KCND2: variants seen among roughly 807,000 people sequenced by gnomAD.
KCND2 encodes A-type voltage-gated potassium channel KCND2.
KCND2 carries 16 observed loss-of-function variants against 54.4 expected under a neutral mutation model. That is an observed-to-expected ratio of 0.29 (90% CI 0.20 to 0.45). The LOEUF (loss-of-function observed/expected upper bound fraction) is 0.45. Among genes scored for constraint, KCND2 ranks in the 20% least tolerant of loss-of-function variants. The probability of loss-of-function intolerance (pLI) is 1.00; values close to 1 mark genes in which losing one functional copy is unlikely to be tolerated. For missense variants in KCND2, 486 were observed against 824.2 expected (o/e 0.59, Z 5.02); for synonymous variants, 317 against 310.7 (o/e 1.02, Z -0.21).
chr7:120,452,988 GCT>G (rs1485096380), intron 1 of KCND2, among the ~76,000 whole-genome samples: 1 of 152,122 alleles, frequency 6.6e-6, no homozygotes, highest in African/African-American at 2.4e-5. Context: ...CAAACGGGGT[GCT>G]CCTCAAGAGT....
At chr7:120,615,413 G>A (rs1479770748) in intron 1 of KCND2, among the ~76,000 whole-genome samples, 1 of 152,134 alleles carries the variant, frequency 6.6e-6, no homozygotes, top group Non-Finnish European at 1.5e-5. Context: ...CACATATAAA[G>A]ATTTCACTAT....
chr7:120,279,484 T>A (rs1316638818), intron 1 of KCND2, among the ~76,000 whole-genome samples: 1 of 151,984 alleles, frequency 6.6e-6, no homozygotes, highest in Admixed American at 6.6e-5. Flanking sequence ...TACATGGCAT[T>A]TCTGTAAAGT....
chr7:120,354,865 A>G (rs550848402), intron 1 of KCND2, among the ~76,000 whole-genome samples: 4 of 152,376 alleles, frequency 2.6e-5, no homozygotes, highest in Admixed American at 1.3e-4. Context: ...ATAACATTGT[A>G]TATATGAGAT....
chr7:120,656,739 C>A (rs1791808165), intron 1 of KCND2, among the ~76,000 whole-genome samples: 1 of 152,182 alleles, frequency 6.6e-6, no homozygotes. Flanking sequence ...TGTGGCTAAG[C>A]AGGAATGTTT....
chr7:120,489,514 C>T (rs1403669335), intron 1 of KCND2, among the ~76,000 whole-genome samples: 1 of 152,130 alleles, frequency 6.6e-6, no homozygotes, highest in Non-Finnish European at 1.5e-5. Flanking sequence ...TCACAGAAAT[C>T]CTGTGTTCAT....
chr7:120,478,675 A>C (rs1802563689), intron 1 of KCND2, among the ~76,000 whole-genome samples: 1 of 152,142 alleles, frequency 6.6e-6, no homozygotes, highest in South Asian at 2.1e-4. Flanking sequence ...CTATAAGAAA[A>C]AAACTGAGTT....
At chr7:120,511,647 A>G (rs1343605445) in intron 1 of KCND2, among the ~76,000 whole-genome samples, 1 of 152,126 alleles carries the variant, frequency 6.6e-6, no homozygotes, top group Non-Finnish European at 1.5e-5. Context: ...GTTGTTTTAG[A>G]TTCTAACTGT....
At chr7:120,731,996 T>C (rs957103959) in intron 1 of KCND2, among the ~76,000 whole-genome samples, 2 of 152,104 alleles carry the variant, frequency 1.3e-5, no homozygotes, top group Non-Finnish European at 2.9e-5. Flanking sequence ...AATGGGCTCT[T>C]AGGCATCCAG....
chr7:120,576,387 G>A (rs1165472282), intron 1 of KCND2, among the ~76,000 whole-genome samples: 1 of 152,126 alleles, frequency 6.6e-6, no homozygotes, highest in Non-Finnish European at 1.5e-5. Context: ...TTTTACAAAT[G>A]ATTAGCTCTT....
intron 1 of KCND2, among the ~76,000 whole-genome samples, chr7:120,588,821 C>G (rs1225510424): frequency 6.6e-6 from 1 of 152,102 alleles, no homozygotes; most frequent in African/African-American, 2.4e-5. Flanking sequence ...TTAAATTTTC[C>G]TTATCTGATT....
chr7:120,507,149 T>C (rs1238008530), intron 1 of KCND2, among the ~76,000 whole-genome samples: 1 of 151,908 alleles, frequency 6.6e-6, no homozygotes, highest in East Asian at 1.9e-4. Flanking sequence ...TTTTAATCAA[T>C]ATATTAAACA....
chr7:120,273,836 A>G lies in KCND2; in HGVS notation c.-797A>G, dbSNP rs1285423867. 1 of 152,832 alleles carries G rather than the reference A, an allele frequency of 6.5e-6. No individual in the cohort carries two copies. Among genetic ancestry groups the G allele is most frequent in the Non-Finnish European group, 1.5e-5 (1 of 68,214 alleles). The allele number at this position is 152,832 out of a possible 1,614,324, so 9.5% of individuals were successfully genotyped here. A position where few individuals can be genotyped will look rare whatever the true frequency, so the allele number is the denominator to read the frequency against. Reference sequence around the variant, plus strand: ...TGCCGCCACGGCGGCGGCGGCTGCCAGCTCCTGAGCTCTGTAACTGTCACA... The same window carrying G: ...TGCCGCCACGGCGGCGGCGGCTGCCGGCTCCTGAGCTCTGTAACTGTCACA... On this transcript the variant is annotated 5_prime_UTR_variant, in exon 1 of 6. Coordinates refer to ENST00000331113, the MANE Select transcript of KCND2 (RefSeq NM_012281.3).
chr7:120,370,832 G>A (rs1800754504), intron 1 of KCND2, among the ~76,000 whole-genome samples: 2 of 151,950 alleles, frequency 1.3e-5, no homozygotes, highest in South Asian at 2.1e-4. Context: ...AACAGGGAAA[G>A]GTAACAAATA....
chr7:120,518,921 G>A (rs1803239157), intron 1 of KCND2, among the ~76,000 whole-genome samples: 1 of 152,150 alleles, frequency 6.6e-6, no homozygotes, highest in South Asian at 2.1e-4. Flanking sequence ...CAAAAGCAGA[G>A]ACCTTTCTAT....
chr7:120,612,683 A>C (rs532145575), intron 1 of KCND2, among the ~76,000 whole-genome samples: 3 of 152,240 alleles, frequency 2.0e-5, no homozygotes, highest in Non-Finnish European at 4.4e-5. Flanking sequence ...CGTGCCTTTC[A>C]GTCATGGAGT....
intron 1 of KCND2, among the ~76,000 whole-genome samples, chr7:120,613,599 GT>G (rs1031783018): frequency 1.3e-5 from 2 of 152,116 alleles, no homozygotes; most frequent in African/African-American, 2.4e-5. Context: ...TTTAGCATTT[GT>G]TTTTTTCCTC....
intron 1 of KCND2, among the ~76,000 whole-genome samples, chr7:120,309,857 G>A (rs1324080940): frequency 2.0e-5 from 3 of 151,940 alleles, no homozygotes; most frequent in Non-Finnish European, 2.9e-5. Context: ...ATCCTTCATT[G>A]TCTACAAACC....
intron 1 of KCND2, among the ~76,000 whole-genome samples, chr7:120,496,108 A>G (rs552098635): frequency 3.3e-5 from 5 of 152,302 alleles, no homozygotes; most frequent in Admixed American, 2.6e-4. Flanking sequence ...TTGAAGCAAT[A>G]GTTTAGTAAG....
At chr7:120,654,854 A>T (rs1236468624) in intron 1 of KCND2, among the ~76,000 whole-genome samples, 2 of 152,128 alleles carry the variant, frequency 1.3e-5, no homozygotes, top group Non-Finnish European at 2.9e-5. Context: ...ATACATTCAT[A>T]TGGATTTTTT....
Sources: allele counts gnomAD v4.1 joint callset (sites outside exome capture counted in the v4.1 genomes callset), GRCh38; gene constraint gnomAD v4.1.1; transcripts MANE v1.5; gene names NCBI Gene and HGNC (gene_info 2026-07-23, HGNC 2026-07-21).